Variants in CNBD1 observed in about 807,000 individuals in gnomAD.
CNBD1 encodes cyclic nucleotide-binding domain-containing protein 1.
In CNBD1, 71 loss-of-function variants were observed where a neutral mutation model predicts 54.4. The ratio of observed to expected loss-of-function variants is 1.30; its 90% CI spans 1.08 to 1.59. The LOEUF (loss-of-function observed/expected upper bound fraction) is 1.59, where lower values mean the gene tolerates loss of function less well. Ranked by LOEUF, CNBD1 falls within the 40% of genes most tolerant of loss-of-function variation. The pLI is 0.00. For missense variants in CNBD1, 659 were observed against 518.0 expected (o/e 1.27, Z -2.64); for synonymous variants, 182 against 170.7 (o/e 1.07, Z -0.51).
chr8:86,894,082 T>G (rs561056102), intron 2 of CNBD1, among the ~76,000 whole-genome samples: 1,486 of 115,720 alleles, frequency 0.013, 32 homozygotes, highest in African/African-American at 0.045. Context: ...TGAGACGGAG[T>G]CTCGCTCTGT....
At chr8:87,302,799 A>G (rs1809037148) in intron 8 of CNBD1, among the ~76,000 whole-genome samples, 1 of 152,000 alleles carries the variant, frequency 6.6e-6, no homozygotes, top group Non-Finnish European at 1.5e-5. Flanking sequence ...CTCAGGTTAC[A>G]AAATCAATGT....
At chr8:87,377,523 G>A (rs1419739977) in intron 10 of CNBD1, among the ~76,000 whole-genome samples, 5 of 151,916 alleles carry the variant, frequency 3.3e-5, no homozygotes, top group African/African-American at 1.2e-4. Context: ...TGTTGTATAT[G>A]TGCCACATTT....
At chr8:87,227,230 G>T (rs1174582651) in intron 5 of CNBD1, among the ~76,000 whole-genome samples, 1 of 151,114 alleles carries the variant, frequency 6.6e-6, no homozygotes, top group Non-Finnish European at 1.5e-5. Context: ...GGAGCATTTA[G>T]TCCATTTACA....
downstream of CNBD1, among the ~76,000 whole-genome samples, chr8:87,386,581 A>C (rs928993859): frequency 7.2e-5 from 11 of 152,122 alleles, no homozygotes; most frequent in African/African-American, 2.7e-4. Flanking sequence ...GAAATGAAAA[A>C]AGCCTCCAAG....
chr8:87,011,908 G>A (rs1452335370), intron 4 of CNBD1, among the ~76,000 whole-genome samples: 1 of 152,092 alleles, frequency 6.6e-6, no homozygotes, highest in Non-Finnish European at 1.5e-5. Context: ...GCTTGAAGGG[G>A]GAAAACAGAT....
chr8:86,949,439 T>C (rs1807550016), intron 4 of CNBD1, among the ~76,000 whole-genome samples: 1 of 152,160 alleles, frequency 6.6e-6, no homozygotes, highest in Non-Finnish European at 1.5e-5. Flanking sequence ...CAGTGTTATA[T>C]AGTTTTCTTT....
At chr8:86,923,861 T>C (rs186115222) in intron 3 of CNBD1, among the ~76,000 whole-genome samples, 9 of 152,176 alleles carry the variant, frequency 5.9e-5, no homozygotes, top group South Asian at 2.1e-4. Flanking sequence ...CAGAATATTC[T>C]GGGGAACTGC....
chr8:86,929,833 G>T (rs77419686), intron 3 of CNBD1, among the ~76,000 whole-genome samples: 1 of 152,078 alleles, frequency 6.6e-6, no homozygotes, highest in Non-Finnish European at 1.5e-5. Context: ...GCAACTATCC[G>T]TAAACAGTGA....
At chr8:86,889,454 T>A (rs1421949825) in intron 2 of CNBD1, among the ~76,000 whole-genome samples, 2 of 152,152 alleles carry the variant, frequency 1.3e-5, no homozygotes, top group African/African-American at 4.8e-5. Flanking sequence ...CTTTATGTAT[T>A]ATAGATGAAA....
chr8:87,123,268 G>C (rs1156808683), intron 4 of CNBD1, among the ~76,000 whole-genome samples: 1 of 151,662 alleles, frequency 6.6e-6, no homozygotes, highest in Non-Finnish European at 1.5e-5. Flanking sequence ...GCATATATAT[G>C]TTAGGTCAGA....
intron 1 of CNBD1, among the ~76,000 whole-genome samples, chr8:86,869,520 C>G (rs1808411585): frequency 6.6e-6 from 1 of 152,204 alleles, no homozygotes; most frequent in Non-Finnish European, 1.5e-5. Context: ...TCAGACACTT[C>G]AAGTAGTTAA....
chr8:87,154,243 A>G (rs1812667877), intron 4 of CNBD1, among the ~76,000 whole-genome samples: 1 of 152,180 alleles, frequency 6.6e-6, no homozygotes, highest in South Asian at 2.1e-4. Context: ...AGTAATACAG[A>G]GTAAAAAGTG....
chr8:87,294,725 G>T (rs1207772441), intron 8 of CNBD1, among the ~76,000 whole-genome samples: 6 of 152,080 alleles, frequency 3.9e-5, no homozygotes, highest in African/African-American at 1.4e-4. Flanking sequence ...TAAAACTCAA[G>T]CACTTTGACT....
chr8:87,060,734 A>G (rs1460075331), intron 4 of CNBD1, among the ~76,000 whole-genome samples: 1 of 152,168 alleles, frequency 6.6e-6, no homozygotes, highest in Admixed American at 6.5e-5. Context: ...TTTTACAACT[A>G]AAATAAAATT....
intron 6 of CNBD1, among the ~76,000 whole-genome samples, chr8:87,241,268 A>ATT (rs34829455): frequency 0.12 from 11,450 of 93,798 alleles, 1,137 homozygotes; most frequent in African/African-American, 0.18. Flanking sequence ...TATTTGGAAG[A>ATT]TTTTTTTTTT....
At chr8:87,302,176 A>G (rs1287166149) in intron 8 of CNBD1, among the ~76,000 whole-genome samples, 1 of 152,194 alleles carries the variant, frequency 6.6e-6, no homozygotes, top group East Asian at 1.9e-4. Context: ...CCTGGCAGAG[A>G]CACAACAAAA....
At position 87,382,732 on chromosome 8, in the gene CNBD1, A is replaced by T; in HGVS notation, c.*105A>T. 3.7e-6 allele frequency: 3 copies of T among 816,378 alleles called. No homozygotes were observed. The highest frequency in any genetic ancestry group is 2.5e-5 in the Admixed American group (1 of 39,350). The allele number at this position is 816,378 out of a possible 1,614,324, so 50.6% of individuals were successfully genotyped here. A position where few individuals can be genotyped will look rare whatever the true frequency, so the allele number is the denominator to read the frequency against. ...AAACTACCAGCAATGAATTTGGTCT[A>T]TTGTGACTACATATCCTGGATTCCC... On this transcript the variant is annotated 3_prime_UTR_variant, in exon 11 of 11. Transcript: ENST00000518476.
intron 4 of CNBD1, among the ~76,000 whole-genome samples, chr8:87,184,673 G>T (rs944089289): frequency 2.6e-5 from 4 of 152,108 alleles, no homozygotes; most frequent in Non-Finnish European, 5.9e-5. Context: ...CTGGGGGCCA[G>T]GAAGGAGTCT....
chr8:87,291,560 A>T (rs1461535807), intron 8 of CNBD1, among the ~76,000 whole-genome samples: 2 of 151,082 alleles, frequency 1.3e-5, no homozygotes, highest in East Asian at 1.9e-4. Flanking sequence ...GTAGTGTTAT[A>T]AAAAAAAATG....
Sources: gnomAD v4.1 joint callset for allele counts (sites outside exome capture counted in the v4.1 genomes callset) on GRCh38, gnomAD v4.1.1 for gene constraint, MANE v1.5 for transcripts, NCBI Gene and HGNC (gene_info 2026-07-23, HGNC 2026-07-21) for gene names.